Variants in HPN observed in about 807,000 individuals in gnomAD.
The protein encoded by HPN is hepsin, also known as serine protease hepsin.
In HPN, 13 loss-of-function variants were observed where a neutral mutation model predicts 55.9. The observed-to-expected ratio is 0.23, with a 90% confidence interval of 0.15 to 0.37. The LOEUF (loss-of-function observed/expected upper bound fraction) is 0.37. Among genes scored for constraint, HPN ranks in the 10% least tolerant of loss-of-function variants. HPN has a pLI of 1.00. For missense variants in HPN, 451 were observed against 575.8 expected (o/e 0.78, Z 2.22); for synonymous variants, 225 against 240.3 (o/e 0.94, Z 0.59).
rs111435376 is a variant in HPN, at chr19:35,043,265, T to G, written c.16+743T>G. Among the ~76,000 whole-genome samples the G allele has an allele frequency of 4.8e-3, 729 of 151,828 alleles. 10 individuals are homozygous for G. The highest frequency in any genetic ancestry group is 0.017 in the African/African-American group (692 of 41,392). ...GAGAGAGAGAGACTGCGTCATGGAG[T>G]TGCTGGCCCTTGGGAGTCTCTGGGC... On this transcript the variant is annotated intron_variant, in intron 2 of 12. Transcript: ENST00000672452.
chr19:35,060,573 G>T, intron 8 of HPN, 54 bp from the exon 9 acceptor site: 1 of 1,612,006 alleles, frequency 6.2e-7, no homozygotes. Context: ...ACAGTGGGGA[G>T]GAGGGCGGAT....
Position 35,049,303 on chromosome 19 carries a change from G to A in HPN, c.30G>A (p.Val10=), listed in dbSNP as rs1460528269. 6.4e-7 allele frequency: 1 copy of A among 1,572,510 alleles called. No homozygotes were observed. The highest frequency in any genetic ancestry group is 8.6e-7 in the Non-Finnish European group (1 of 1,157,280). ...TGTCTGTTGCAGGTGGCCGGACTGT[G>A]CCATGCTGCTCCAGACCCAAGGTGG... is the stretch of plus-strand genomic sequence containing the variant. MAQKEGGRT[V]PCCSRPKVAA... Residue 10 remains valine, a synonymous_variant, in exon 3 of 13, where the codon GTG becomes GTA. Coordinates refer to ENST00000672452, the MANE Select transcript of HPN (RefSeq NM_001384133.1).
At chr19:35,047,818 C>A (rs1446273391) in intron 2 of HPN, among the ~76,000 whole-genome samples, 5 of 151,674 alleles carry the variant, frequency 3.3e-5, no homozygotes, top group African/African-American at 9.7e-5. Context: ...GTCAACATGG[C>A]AAACCCCGTC....
chr19:35,055,509 T>C (rs2064446377), intron 4 of HPN, among the ~76,000 whole-genome samples: 1 of 152,168 alleles, frequency 6.6e-6, no homozygotes, highest in Non-Finnish European at 1.5e-5. Flanking sequence ...GCCCCATCTT[T>C]TCAGGCTCAG....
In HPN at chr19:35,059,790, T is replaced by C. The variant is rs2064504719; in HGVS notation, c.278T>C (p.Met93Thr). ...GTAGCCGGACTCAGCTGCGAGGAGA[T>C]GGGCTTCCTCAGGTACTGGGGGCCC... ...ARVAGLSCEE[M>T]GFLRALTHSE... Residue 93 changes from methionine (M) to threonine (T), a missense_variant, in exon 5 of 13, where the codon ATG becomes ACG. Met to Thr is a moderately conservative substitution (Grantham distance 81, BLOSUM62 -1). Coordinates refer to ENST00000672452, the MANE Select transcript of HPN (RefSeq NM_001384133.1). The C allele has an allele frequency of 1.3e-6, 2 of 1,577,068 alleles. No individual in the cohort carries two copies. Among genetic ancestry groups the C allele is most frequent in the Non-Finnish European group, 8.6e-7 (1 of 1,160,598 alleles).
intron 4 of HPN, among the ~76,000 whole-genome samples, chr19:35,052,026 C>T (rs1439782632): frequency 6.6e-6 from 1 of 152,218 alleles, no homozygotes. Context: ...CCTCAGGGCC[C>T]AGTCCCTTGC....
At chr19:35,044,755 G>A (rs570481209) in intron 2 of HPN, among the ~76,000 whole-genome samples, 1 of 152,192 alleles carries the variant, frequency 6.6e-6, no homozygotes, top group African/African-American at 2.4e-5. Flanking sequence ...TGTCTGGGGG[G>A]TACTAGGGAG....
At chr19:35,060,276 G>C (rs750276757) in intron 7 of HPN, 71 bp from the exon 8 acceptor site, 2 of 1,606,714 alleles carry the variant, frequency 1.2e-6, no homozygotes, top group African/African-American at 2.7e-5. Context: ...CTAGGGCAGG[G>C]CCAAGCCTGG....
chr19:35,040,736 G>A (rs1348748851), upstream of HPN, among the ~76,000 whole-genome samples: 1 of 152,142 alleles, frequency 6.6e-6, no homozygotes, highest in African/African-American at 2.4e-5. Context: ...AGAGGTGGGC[G>A]CTGGGGAGAA....
At chr19:35,045,414 C>T (rs991727615) in intron 2 of HPN, among the ~76,000 whole-genome samples, 12 of 152,224 alleles carry the variant, frequency 7.9e-5, no homozygotes, top group East Asian at 3.9e-4. Context: ...GCCCGAGACA[C>T]GGAGCCACCA....
rs925824761 is a variant in HPN, at chr19:35,041,744, G to A, written c.-183G>A. On this transcript the variant is annotated 5_prime_UTR_variant, in exon 1 of 13. Coordinates refer to ENST00000672452, the MANE Select transcript of HPN (RefSeq NM_001384133.1). ...CAGGTGAGGCAGCCTGGCCTAGCAGGCCCCACGCCACCGCCTCTGCCTCCA... is the reference window on the plus strand; with the variant it reads ...CAGGTGAGGCAGCCTGGCCTAGCAGACCCCACGCCACCGCCTCTGCCTCCA... The A allele has an allele frequency of 1.6e-5, 20 of 1,263,056 alleles. No individual in the cohort carries two copies. Among genetic ancestry groups the A allele is most frequent in the Admixed American group, 2.4e-5 (1 of 41,208 alleles). 78.2% of individuals were successfully genotyped at this position (1,263,056 alleles called of 1,614,324 possible).
At position 35,060,147 on chromosome 19, in the gene HPN, T is replaced by C; in HGVS notation, c.432T>C (p.Arg144=). 1.2e-6 allele frequency: 2 copies of C among 1,614,166 alleles called. No individual in the cohort carries two copies. The highest frequency in any genetic ancestry group is 1.1e-5 in the South Asian group (1 of 91,088). ...CTCCCAGTGATTGCCCCAGAGGCCG[T>C]TTCTTGGCCGCCATCTGCCAAGGTG... ...VISVCDCPRG[R]FLAAICQDCG... Residue 144 remains arginine, a synonymous_variant, in exon 7 of 13, where the codon CGT becomes CGC. Coordinates refer to ENST00000672452, the MANE Select transcript of HPN (RefSeq NM_001384133.1).
At chr19:35,048,156 A>C (rs986070420) in intron 2 of HPN, among the ~76,000 whole-genome samples, 1 of 152,182 alleles carries the variant, frequency 6.6e-6, no homozygotes, top group Non-Finnish European at 1.5e-5. Context: ...TCAGGCCCAC[A>C]CATCTCTGAT....
chr19:35,056,039 C>G (rs374459247), intron 4 of HPN, among the ~76,000 whole-genome samples: 7 of 152,164 alleles, frequency 4.6e-5, no homozygotes, highest in African/African-American at 7.2e-5. Flanking sequence ...AGCACTCCCC[C>G]CAGTCCCCCA....
At chr19:35,059,505 A>G (rs754404631) in intron 4 of HPN, 168 bp from the exon 5 acceptor site, 3 of 861,178 alleles carry the variant, frequency 3.5e-6, no homozygotes, top group African/African-American at 1.7e-5. Context: ...TCCTTGAGTC[A>G]TGATTCCAGA....
intron 9 of HPN, 147 bp from the exon 10 acceptor site, chr19:35,065,103 T>C (rs1406630921): frequency 1.8e-6 from 1 of 568,888 alleles, no homozygotes. Flanking sequence ...ATTACAGGCA[T>C]GAGCCACTGT....
chr19:35,053,994 G>A (rs1205199023), intron 4 of HPN, among the ~76,000 whole-genome samples: 1 of 152,214 alleles, frequency 6.6e-6, no homozygotes, highest in African/African-American at 2.4e-5. Flanking sequence ...GGGTTTGTAT[G>A]AGACCCACAG....
chr19:35,046,151 G>C (rs964870370), intron 2 of HPN, among the ~76,000 whole-genome samples: 1 of 152,224 alleles, frequency 6.6e-6, no homozygotes, highest in Non-Finnish European at 1.5e-5. Flanking sequence ...ACAGGCAGGG[G>C]TCAGCCGGCA....
In HPN at chr19:35,041,952, C is replaced by T. The variant is rs796943249; in HGVS notation, c.-55+80C>T. 2.8e-5 allele frequency: 35 copies of T among 1,238,934 alleles called. 1 individual carries two copies. In the African/African-American group the frequency reaches 4.5e-4, roughly 16 times the overall value. 76.7% of individuals were successfully genotyped at this position (1,238,934 alleles called of 1,614,324 possible). ...TCATCCCCCCACCCAGCCTAATGCC[C>T]ACCTCCTAATAGAGGGGTTCCTGGG... On this transcript the variant is annotated intron_variant, in intron 1 of 12. Coordinates refer to ENST00000672452, the MANE Select transcript of HPN (RefSeq NM_001384133.1).
Sources: gnomAD v4.1 joint callset for allele counts (sites outside exome capture counted in the v4.1 genomes callset) on GRCh38, gnomAD v4.1.1 for gene constraint, MANE v1.5 for transcripts, NCBI Gene and HGNC (gene_info 2026-07-23, HGNC 2026-07-21) for gene names.